SNX29: variants seen among roughly 807,000 people sequenced by gnomAD.
SNX29 encodes the protein sorting nexin-29.
Under a neutral mutation model 102.1 loss-of-function variants are expected in SNX29, and 78 were observed. The ratio of observed to expected loss-of-function variants is 0.76; its 90% CI spans 0.64 to 0.92. SNX29 has a LOEUF of 0.92. Ranked by LOEUF, SNX29 falls within the 40% of genes least tolerant of loss-of-function variation. The probability of loss-of-function intolerance (pLI) is 0.00; values close to 1 mark genes in which losing one functional copy is unlikely to be tolerated. For synonymous variants in SNX29, 580 were observed against 414.5 expected (o/e 1.40, Z -4.85); for missense variants, 1,280 against 1,061.7 (o/e 1.21, Z -2.86).
chr16:12,524,926 G>A lies in SNX29; in HGVS notation c.2318+85G>A, dbSNP rs1019920027. 9 of 1,552,604 alleles carry A rather than the reference G, an allele frequency of 5.8e-6. No homozygotes were observed. The African/African-American group carries it at 1.1e-4, about 19-fold the overall frequency. On this transcript the variant is annotated intron_variant, in intron 20 of 20. Coordinates refer to ENST00000566228, the MANE Select transcript of SNX29 (RefSeq NM_032167.5). ...TTTTGGAAGGTCAGGGAGCACAGCG[G>A]CTCTCCGTGATGCCCTGATCGCCAT...
chr16:12,475,995 T>C (rs2151811637), intron 18 of SNX29, among the ~76,000 whole-genome samples: 1 of 152,074 alleles, frequency 6.6e-6, no homozygotes. Context: ...TTTATAAGAA[T>C]ATATCATAAG....
chr16:12,024,456 T>G (rs2057132145), intron 3 of SNX29, among the ~76,000 whole-genome samples: 1 of 152,154 alleles, frequency 6.6e-6, no homozygotes, highest in Non-Finnish European at 1.5e-5. Context: ...GAGATCTGCC[T>G]TGAATGACCA....
At chr16:12,323,435 A>G (rs1287374763) in intron 15 of SNX29, among the ~76,000 whole-genome samples, 1 of 152,124 alleles carries the variant, frequency 6.6e-6, no homozygotes, top group Admixed American at 6.5e-5. Context: ...CCATCAATAG[A>G]AAAATAACTT....
intron 11 of SNX29, chr16:12,086,892 A>G (rs907735473): frequency 6.6e-6 from 1 of 152,154 alleles, no homozygotes; most frequent in African/African-American, 2.4e-5. Flanking sequence ...GGTGAGAGAG[A>G]AACATTGTGA....
intron 14 of SNX29, among the ~76,000 whole-genome samples, chr16:12,249,350 C>A (rs1168000410): frequency 6.6e-6 from 1 of 152,222 alleles, no homozygotes; most frequent in Non-Finnish European, 1.5e-5. Context: ...ACAGTGGTCT[C>A]AGAGTTCTAA....
intron 8 of SNX29, among the ~76,000 whole-genome samples, chr16:12,056,906 G>C (rs978354601): frequency 2.6e-5 from 4 of 151,820 alleles, no homozygotes; most frequent in Non-Finnish European, 4.4e-5. Flanking sequence ...CTCAACTCAG[G>C]GAACTCCTAG....
chr16:12,478,344 G>A (rs761804597), intron 19 of SNX29, among the ~76,000 whole-genome samples: 12 of 152,224 alleles, frequency 7.9e-5, no homozygotes, highest in Non-Finnish European at 1.2e-4. Context: ...ATCCGTAGTT[G>A]TCATGATGTT....
rs898028654 is a variant in SNX29 at position 12,096,125 on chromosome 16, C to T, written c.1402+17210C>T. Among the ~76,000 whole-genome samples the T allele has an allele frequency of 1.3e-5, 2 of 152,210 alleles. No homozygotes were observed. The highest frequency in any genetic ancestry group is 4.8e-5 in the African/African-American group (2 of 41,458). The stretch of plus-strand genomic sequence containing the variant: ...AATCGGCTGCAGTCTGAGCCCCCTG[C>T]CCCTTAACTGCCGAGAAGTGAACCT... On this transcript the variant is annotated intron_variant, in intron 11 of 20. Transcript: ENST00000566228. The surrounding 1 kb of genome is among the most constrained non-coding windows in gnomAD (Gnocchi z 4.2).
At chr16:12,068,473 G>T (rs2051139049) in intron 9 of SNX29, among the ~76,000 whole-genome samples, 1 of 142,448 alleles carries the variant, frequency 7.0e-6, no homozygotes, top group Non-Finnish European at 1.5e-5. Flanking sequence ...ATCTCAGCCT[G>T]GGTGACACAG....
At chr16:12,564,716 T>A (rs949579942) in intron 20 of SNX29, among the ~76,000 whole-genome samples, 3 of 152,100 alleles carry the variant, frequency 2.0e-5, no homozygotes, top group African/African-American at 7.2e-5. Context: ...AAGCCCACTT[T>A]GTTATAAAAA....
rs574090459 is a variant in SNX29, at chr16:12,483,114, G to GTTTTTTTTTTTTTTTTTTTTTTT, written c.2178+5262_2178+5284dup. On this transcript the variant is annotated intron_variant, in intron 19 of 20. Transcript: ENST00000566228. ...AATAGATACATATTGAAGTTATTAAGTTTTTTTTTTTTTTTTTTTTTTTTT... is the reference window on the plus strand; with the variant it reads ...AATAGATACATATTGAAGTTATTAAGTTTTTTTTTTTTTTTTTTTTTTTTTTTTTTTTTTTTTTTTTTTTTTTT... 4.4e-4 allele frequency among the ~76,000 whole-genome samples: 29 copies of GTTTTTTTTTTTTTTTTTTTTTTT among 66,212 alleles called. 4 individuals carry two copies. Among genetic ancestry groups the GTTTTTTTTTTTTTTTTTTTTTTT allele is most frequent in the Non-Finnish European group, 6.4e-4 (23 of 35,980 alleles). 43.4% of individuals were successfully genotyped at this position (66,212 alleles called of 152,430 possible).
intron 13 of SNX29, among the ~76,000 whole-genome samples, chr16:12,168,455 C>A (rs1235127583): frequency 6.6e-6 from 1 of 152,212 alleles, no homozygotes; most frequent in African/African-American, 2.4e-5. Context: ...TTGTTTGAAT[C>A]TAAGCCCCAT....
chr16:12,405,758 G>T (rs1446474690), intron 18 of SNX29, among the ~76,000 whole-genome samples: 1 of 152,228 alleles, frequency 6.6e-6, no homozygotes, highest in Non-Finnish European at 1.5e-5. Flanking sequence ...TGCTGGCCAA[G>T]CATGGTGGCT....
At chr16:12,385,811 G>A (rs764325921) in intron 16 of SNX29, among the ~76,000 whole-genome samples, 9 of 152,218 alleles carry the variant, frequency 5.9e-5, no homozygotes, top group East Asian at 1.9e-4. Context: ...CCACATAACA[G>A]ATACAGAAAG....
intron 19 of SNX29, among the ~76,000 whole-genome samples, chr16:12,514,971 A>AT: frequency 6.6e-6 from 1 of 152,164 alleles, no homozygotes; most frequent in East Asian, 1.9e-4. Context: ...CCCTCTCTCG[A>AT]TGGGCTGCTG....
chr16:12,301,151 T>A (rs942652775), intron 15 of SNX29, among the ~76,000 whole-genome samples: 15 of 152,248 alleles, frequency 9.9e-5, no homozygotes, highest in Admixed American at 7.2e-4. Context: ...CTCAATGAGT[T>A]ACAGTCCCTT....
intron 3 of SNX29, among the ~76,000 whole-genome samples, chr16:12,023,295 G>C (rs1442634982): frequency 2.0e-5 from 3 of 151,502 alleles, no homozygotes; most frequent in Non-Finnish European, 4.4e-5. Context: ...ATGGAAGTTT[G>C]GTGTGATAAA....
intron 18 of SNX29, among the ~76,000 whole-genome samples, chr16:12,446,071 T>C (rs1232956182): frequency 2.5e-5 from 2 of 80,588 alleles, no homozygotes; most frequent in African/African-American, 1.1e-4. Context: ...TTTTTTTTTT[T>C]TTGAGACAGA....
At chr16:12,078,227 C>T (rs1043702687) in intron 10 of SNX29, among the ~76,000 whole-genome samples, 2 of 151,740 alleles carry the variant, frequency 1.3e-5, no homozygotes, top group African/African-American at 4.9e-5. Flanking sequence ...GTAATCCCAG[C>T]ACTTTGGGAG....
Sources: gnomAD v4.1 joint callset for allele counts (sites outside exome capture counted in the v4.1 genomes callset) on GRCh38, gnomAD v4.1.1 for gene constraint, Gnocchi (gnomAD v3.1) non-coding constraint, MANE v1.5 for transcripts, NCBI Gene and HGNC (gene_info 2026-07-23, HGNC 2026-07-21) for gene names.